Variants in GRIA2 observed in about 807,000 individuals in gnomAD.
GRIA2 encodes the protein glutamate ionotropic receptor AMPA type subunit 2.
A neutral mutation model predicts 97.3 loss-of-function variants in GRIA2; 14 were observed. That is an observed-to-expected ratio of 0.14 (90% CI 0.10 to 0.23). The LOEUF is 0.23. Among genes scored for constraint, GRIA2 ranks in the 10% least tolerant of loss-of-function variants. The pLI is 1.00. For missense variants in GRIA2, 558 were observed against 1,069.8 expected, an observed-to-expected ratio of 0.52 and a Z score of 6.67; for synonymous variants, 412 against 387.8, an observed-to-expected ratio of 1.06 and a Z score of -0.73.
chr4:157,228,265 G>A (rs2126684558), intron 2 of GRIA2, among the ~76,000 whole-genome samples: 1 of 152,170 alleles, frequency 6.6e-6, no homozygotes, highest in Non-Finnish European at 1.5e-5. Context: ...TTAGAATTTT[G>A]TATTTGCTAT....
chr4:157,258,421 C>G (rs534015220), intron 2 of GRIA2, among the ~76,000 whole-genome samples: 1 of 151,986 alleles, frequency 6.6e-6, no homozygotes, highest in African/African-American at 2.4e-5. Context: ...TCTCCTGTAG[C>G]GCTCCCAGGC....
chr4:157,299,740 A>T (rs954120045), intron 2 of GRIA2, among the ~76,000 whole-genome samples: 1 of 152,192 alleles, frequency 6.6e-6, no homozygotes, highest in Admixed American at 6.6e-5. Context: ...GCTGTTTGAC[A>T]TAAAGTGTCT....
chr4:157,221,248 G>T, intron 1 of GRIA2, 118 bp downstream of exon 1: 2 of 703,752 alleles, frequency 2.8e-6, no homozygotes, highest in South Asian at 3.3e-5. Context: ...CTGCATTCCA[G>T]ATTTAAACTA....
chr4:157,305,103 C>T lies in GRIA2; in HGVS notation c.469+1312C>T, dbSNP rs550424015. Among the ~76,000 whole-genome samples, 42 of 152,292 alleles carry T rather than the reference C, an allele frequency of 2.8e-4. 1 individual carries two copies. The South Asian group carries it at 8.1e-3, about 29-fold the overall frequency. On this transcript the variant is annotated intron_variant, in intron 3 of 15. Transcript: ENST00000264426. Reference sequence around the variant, plus strand: ...ATGTGCTGGATGTTTCCGACGCACACTTATTAATGTGATAAAAGGGCTTAT... The same window carrying T: ...ATGTGCTGGATGTTTCCGACGCACATTTATTAATGTGATAAAAGGGCTTAT...
intron 2 of GRIA2, among the ~76,000 whole-genome samples, chr4:157,272,842 G>C (rs1732096163): frequency 6.6e-6 from 1 of 151,992 alleles, no homozygotes; most frequent in Admixed American, 6.6e-5. Flanking sequence ...GGAAAATAAT[G>C]GAAAGGCACA....
chr4:157,295,555 G>A (rs953149606), intron 2 of GRIA2, among the ~76,000 whole-genome samples: 1 of 152,036 alleles, frequency 6.6e-6, no homozygotes, highest in Non-Finnish European at 1.5e-5. Flanking sequence ...CAAAGTAAAG[G>A]GTAGACTTTT....
intron 2 of GRIA2, among the ~76,000 whole-genome samples, chr4:157,235,360 ATCTTT>A (rs1211289446): frequency 3.9e-5 from 6 of 152,074 alleles, no homozygotes; most frequent in Admixed American, 3.9e-4. Flanking sequence ...TGGGTTCAAA[ATCTTT>A]TCTTTGTGGC....
chr4:157,311,320 T>G (rs1406067906), intron 3 of GRIA2, among the ~76,000 whole-genome samples: 1 of 152,076 alleles, frequency 6.6e-6, no homozygotes, highest in Non-Finnish European at 1.5e-5. Flanking sequence ...TCGCATTTAT[T>G]ATTCTAATTA....
At chr4:157,295,574 G>C (rs544624453) in intron 2 of GRIA2, among the ~76,000 whole-genome samples, 1 of 152,226 alleles carries the variant, frequency 6.6e-6, no homozygotes, top group South Asian at 2.1e-4. Context: ...TTAAAGAAAT[G>C]AGAGTTTTTT....
chr4:157,304,479 C>A (rs1733751983), intron 3 of GRIA2, among the ~76,000 whole-genome samples: 1 of 152,136 alleles, frequency 6.6e-6, no homozygotes, highest in Non-Finnish European at 1.5e-5. Context: ...AGCAGACTTG[C>A]TTGATTTATG....
At chr4:157,251,146 T>C (rs1048075348) in intron 2 of GRIA2, among the ~76,000 whole-genome samples, 2 of 152,068 alleles carry the variant, frequency 1.3e-5, no homozygotes, top group Non-Finnish European at 2.9e-5. Context: ...TCATTTTAAA[T>C]GAAGGAAGGC....
chr4:157,259,615 TG>T (rs1391555168), intron 2 of GRIA2, among the ~76,000 whole-genome samples: 1 of 152,116 alleles, frequency 6.6e-6, no homozygotes. Context: ...GAACATTATA[TG>T]ATTCTGTTTT....
At chr4:157,310,612 A>G (rs1419695521) in intron 3 of GRIA2, among the ~76,000 whole-genome samples, 1 of 152,078 alleles carries the variant, frequency 6.6e-6, no homozygotes, top group East Asian at 1.9e-4. Context: ...ATTTGGAAAA[A>G]ATGATTTTTA....
At chr4:157,256,771 T>G (rs1199573775) in intron 2 of GRIA2, among the ~76,000 whole-genome samples, 2 of 152,016 alleles carry the variant, frequency 1.3e-5, no homozygotes, top group African/African-American at 4.8e-5. Flanking sequence ...CCATCCTGAC[T>G]TGATATCTAG....
chr4:157,221,668 G>T lies in GRIA2; in HGVS notation c.90G>T (p.Gly30=), dbSNP rs79163474. ...FGVSSNSIQI[G]GLFPRGADQE... is the part of the protein sequence containing the mutation. ...TTGCTTGCTGTTTGTTCTTTGCAGG[G>T]GGGCTATTTCCTAGGGGCGCCGATC... The change falls in exon 2 of 16, where the codon GGG becomes GGT. Residue 30 remains glycine (G), a splice_region_variant and synonymous_variant. Transcript: ENST00000264426. 21,130 of 1,613,956 alleles carry T rather than the reference G, an allele frequency of 0.013. 175 individuals carry two copies. Among genetic ancestry groups the T allele is most frequent in the Non-Finnish European group, 0.016 (18,490 of 1,179,862 alleles).
intron 2 of GRIA2, among the ~76,000 whole-genome samples, chr4:157,267,320 A>C (rs1181338823): frequency 7.0e-6 from 1 of 143,194 alleles, no homozygotes; most frequent in Non-Finnish European, 1.5e-5. Context: ...GCTACTCAGG[A>C]GGCTGAGGTT....
At chr4:157,286,200 G>A (rs1732839042) in intron 2 of GRIA2, among the ~76,000 whole-genome samples, 2 of 151,452 alleles carry the variant, frequency 1.3e-5, no homozygotes, top group Non-Finnish European at 3.0e-5. Flanking sequence ...ATTATGTAAT[G>A]TGCCCAAAGT....
rs536645658 is a variant in GRIA2 at position 157,220,771 on chromosome 4, A to T, written c.-272A>T. 4 of 520,646 alleles carry T rather than the reference A, an allele frequency of 7.7e-6. No individual in the cohort carries two copies. The highest frequency in any genetic ancestry group is 6.4e-5 in the South Asian group (3 of 46,656). 32.3% of individuals were successfully genotyped at this position (520,646 alleles called of 1,614,324 possible). ...GGGAGGGTGCTGAATATTCCGAGAC[A>T]CTGGGACCACAGCGGCAGCTCCGCT... On this transcript the variant is annotated 5_prime_UTR_variant, in exon 1 of 16. Transcript: ENST00000264426.
At chr4:157,330,780 C>G (rs959145917) in intron 6 of GRIA2, among the ~76,000 whole-genome samples, 1 of 151,856 alleles carries the variant, frequency 6.6e-6, no homozygotes, top group African/African-American at 2.4e-5. Flanking sequence ...GTGGCTATGA[C>G]GTGATTGTGA....
Sources: allele counts gnomAD v4.1 joint callset (sites outside exome capture counted in the v4.1 genomes callset), GRCh38; gene constraint gnomAD v4.1.1; transcripts MANE v1.5; gene names NCBI Gene and HGNC (gene_info 2026-07-23, HGNC 2026-07-21).